The following ABLIM3 variants were observed in gnomAD, a reference collection of about 807,000 sequenced individuals.
ABLIM3 encodes actin-binding LIM protein 3.
ABLIM3 carries 61 observed loss-of-function variants against 109.5 expected under a neutral mutation model. That is an observed-to-expected ratio of 0.56 (90% CI 0.45 to 0.69). The LOEUF is 0.69. Ranked by LOEUF, ABLIM3 falls within the 30% of genes least tolerant of loss-of-function variation. The pLI, the probability that ABLIM3 is intolerant of heterozygous loss-of-function variation, is 0.00. For synonymous variants in ABLIM3, 300 were observed against 324.8 expected, an observed-to-expected ratio of 0.92 and a Z score of 0.82; for missense variants, 796 against 889.5, an observed-to-expected ratio of 0.89 and a Z score of 1.34.
At chr5:149,171,105 A>G (rs1371601589) in intron 2 of ABLIM3, among the ~76,000 whole-genome samples, 1 of 152,144 alleles carries the variant, frequency 6.6e-6, no homozygotes, top group Non-Finnish European at 1.5e-5. Flanking sequence ...ATTTGTGGGT[A>G]TAATTTAGTC....
intron 8 of ABLIM3, chr5:149,217,336 T>G: frequency 2.2e-6 from 1 of 459,892 alleles, no homozygotes; most frequent in East Asian, 4.1e-5. Context: ...TGGCTCTGCC[T>G]TGGGGGTGGG....
intron 2 of ABLIM3, among the ~76,000 whole-genome samples, chr5:149,181,904 C>T (rs966787946): frequency 2.6e-5 from 4 of 152,126 alleles, no homozygotes; most frequent in Non-Finnish European, 4.4e-5. Flanking sequence ...CTCCTCAATC[C>T]GGATCCAAGC....
intron 13 of ABLIM3, chr5:149,240,404 A>T: frequency 1.9e-6 from 1 of 517,574 alleles, no homozygotes; most frequent in South Asian, 2.4e-5. Context: ...TCAAACTAAC[A>T]TGCCTTCCTG....
intron 6 of ABLIM3, among the ~76,000 whole-genome samples, chr5:149,207,686 T>A (rs549548985): frequency 6.6e-6 from 1 of 152,348 alleles, no homozygotes; most frequent in East Asian, 1.9e-4. Context: ...TAGTGTTTAA[T>A]CTCTGTACCC....
intron 10 of ABLIM3, among the ~76,000 whole-genome samples, chr5:149,236,217 A>G (rs1229782208): frequency 6.6e-6 from 1 of 152,166 alleles, no homozygotes; most frequent in East Asian, 1.9e-4. Context: ...AGAATAAGCA[A>G]CCCTGCCCTA....
At chr5:149,246,381 A>C (rs962687883) in intron 16 of ABLIM3, 101 bp from the exon 17 acceptor site, 25 of 1,144,860 alleles carry the variant, frequency 2.2e-5, no homozygotes, top group Non-Finnish European at 3.0e-5. Context: ...AATAAGATTA[A>C]AAAGAAAGAA....
At chr5:149,236,978 T>G (rs946463558) in intron 10 of ABLIM3, among the ~76,000 whole-genome samples, 1 of 152,216 alleles carries the variant, frequency 6.6e-6, no homozygotes, top group Non-Finnish European at 1.5e-5. Context: ...TATTTTTGTC[T>G]TTACCATCTT....
chr5:149,256,020 C>T (rs2127578171), intron 23 of ABLIM3, among the ~76,000 whole-genome samples: 1 of 152,340 alleles, frequency 6.6e-6, no homozygotes, highest in South Asian at 2.1e-4. Context: ...ATGGCCATTT[C>T]TCCCTGGCTG....
At chr5:149,199,605 C>G (rs1189209222) in intron 4 of ABLIM3, among the ~76,000 whole-genome samples, 1 of 152,206 alleles carries the variant, frequency 6.6e-6, no homozygotes, top group Non-Finnish European at 1.5e-5. Flanking sequence ...TCCCCCGACT[C>G]TCACCCTGGT....
At chr5:149,209,350 G>T (rs1019006290) in intron 6 of ABLIM3, among the ~76,000 whole-genome samples, 3 of 152,188 alleles carry the variant, frequency 2.0e-5, no homozygotes, top group African/African-American at 7.2e-5. Flanking sequence ...CACTGGCTCA[G>T]GCATCAGATG....
intron 1 of ABLIM3, 177 bp from the exon 2 acceptor site, chr5:149,141,832 G>T: frequency 1.8e-6 from 1 of 549,462 alleles, no homozygotes. Context: ...AATCTGAGGA[G>T]CAGGAGGACC....
intron 3 of ABLIM3, among the ~76,000 whole-genome samples, chr5:149,191,370 CAA>C (rs1757458761): frequency 6.6e-6 from 1 of 152,090 alleles, no homozygotes; most frequent in Admixed American, 6.5e-5. Context: ...AAAACCTACT[CAA>C]GAAGAAATTT....
intron 2 of ABLIM3, among the ~76,000 whole-genome samples, chr5:149,165,093 T>C (rs1754704979): frequency 6.6e-6 from 1 of 152,198 alleles, no homozygotes; most frequent in Admixed American, 6.5e-5. Flanking sequence ...CTCTATATAC[T>C]TAAGACAAAA....
intron 5 of ABLIM3, among the ~76,000 whole-genome samples, chr5:149,206,161 A>C (rs1758948148): frequency 6.6e-6 from 1 of 151,652 alleles, no homozygotes; most frequent in African/African-American, 2.4e-5. Flanking sequence ...CCATTTCCGG[A>C]CCCTCCTCAG....
Position 149,198,400 on chromosome 5 carries a change from C to T in ABLIM3, c.333C>T (p.Cys111=), listed in dbSNP as rs758384739. Reference sequence around the variant, plus strand: ...CCAAGTGCTTCGTGTGCAGCTTGTGCAGGTGAGTGGGCGACCAGCAGGGCC... The same window carrying T: ...CCAAGTGCTTCGTGTGCAGCTTGTGTAGGTGAGTGGGCGACCAGCAGGGCC... ...YHPKCFVCSL[C]RKPFPIGDKV... is the part of the protein sequence containing the mutation. The change falls in exon 4 of 24, where the codon TGC becomes TGT. Residue 111 remains cysteine (C), a splice_region_variant and synonymous_variant. Coordinates refer to ENST00000309868, the MANE Select transcript of ABLIM3 (RefSeq NM_014945.5). The surrounding 1 kb of genome is among the most constrained non-coding windows in gnomAD (Gnocchi z 4.2). 3.1e-6 allele frequency: 5 copies of T among 1,606,586 alleles called. No homozygotes were observed. In the East Asian group the frequency reaches 6.7e-5, roughly 22 times the overall value.
chr5:149,253,146 A>C (rs1754105460), intron 23 of ABLIM3, among the ~76,000 whole-genome samples: 1 of 152,084 alleles, frequency 6.6e-6, no homozygotes, highest in South Asian at 2.1e-4. Flanking sequence ...TCTGTGGTGC[A>C]CAGGGACAGT....
At chr5:149,141,825 C>T in intron 1 of ABLIM3, 171 bp downstream of exon 1, 1 of 533,880 alleles carries the variant, frequency 1.9e-6, no homozygotes, top group African/African-American at 1.9e-5. Flanking sequence ...GGATTCCAAT[C>T]TGAGGAGCAG....
At chr5:149,234,636 C>CA (rs1762173262) in intron 10 of ABLIM3, among the ~76,000 whole-genome samples, 2 of 152,144 alleles carry the variant, frequency 1.3e-5, no homozygotes, top group East Asian at 1.9e-4. Flanking sequence ...ATGTGGCTGT[C>CA]AAAAAAGACA....
At chr5:149,240,888 C>T (rs45498700) in intron 14 of ABLIM3, 114 bp downstream of exon 14, 161,114 of 924,110 alleles carry the variant, frequency 0.17, 17,156 homozygotes, top group Admixed American at 0.4. Context: ...TCCTGAGGGA[C>T]CTCCCTAACC....
Sources: gnomAD v4.1 joint callset for allele counts (sites outside exome capture counted in the v4.1 genomes callset) on GRCh38, gnomAD v4.1.1 for gene constraint, Gnocchi (gnomAD v3.1) non-coding constraint, MANE v1.5 for transcripts, NCBI Gene and HGNC (gene_info 2026-07-23, HGNC 2026-07-21) for gene names.